The following EPHA5 variants were observed in gnomAD, a reference collection of about 807,000 sequenced individuals.
EPHA5 encodes ephrin type-A receptor 5.
A neutral mutation model predicts 105.0 loss-of-function variants in EPHA5; 60 were observed. The ratio of observed to expected loss-of-function variants is 0.57; its 90% confidence interval spans 0.46 to 0.71. EPHA5 has a LOEUF of 0.71. Ranked by LOEUF, EPHA5 falls within the 30% of genes least tolerant of loss-of-function variation. EPHA5 has a pLI of 0.00. For missense variants in EPHA5, 1,218 were observed against 1,274.7 expected (o/e 0.96, Z 0.68); for synonymous variants, 513 against 449.1 (o/e 1.14, Z -1.80).
At chr4:65,519,618 T>G (rs1379361423) in intron 3 of EPHA5, among the ~76,000 whole-genome samples, 1 of 151,942 alleles carries the variant, frequency 6.6e-6, no homozygotes, top group East Asian at 1.9e-4. Context: ...GTTTGTATAT[T>G]TACAAAACCC....
At chr4:65,553,090 A>G (rs968313021) in intron 3 of EPHA5, among the ~76,000 whole-genome samples, 4 of 152,096 alleles carry the variant, frequency 2.6e-5, no homozygotes, top group African/African-American at 4.8e-5. Context: ...TGTCTCCCAG[A>G]CATATTAATA....
intron 11 of EPHA5, among the ~76,000 whole-genome samples, chr4:65,362,346 G>T (rs902740907): frequency 2.0e-5 from 3 of 151,606 alleles, no homozygotes; most frequent in African/African-American, 7.3e-5. Flanking sequence ...ATTAGCATCA[G>T]ATCAGAGAGC....
intron 3 of EPHA5, among the ~76,000 whole-genome samples, chr4:65,585,531 C>G (rs4314337): frequency 6.6e-6 from 1 of 151,788 alleles, no homozygotes; most frequent in African/African-American, 2.4e-5. Flanking sequence ...GAAACAGGAT[C>G]TGTTAACTTT....
At chr4:65,538,646 G>A (rs1736526833) in intron 3 of EPHA5, among the ~76,000 whole-genome samples, 1 of 151,620 alleles carries the variant, frequency 6.6e-6, no homozygotes. Flanking sequence ...ACTCCTAGAT[G>A]TAGTCTTCAT....
In EPHA5 at chr4:65,553,019, A is replaced by G. The variant is rs543763282; in HGVS notation, c.910+48622T>C. Among the ~76,000 whole-genome samples the G allele has an allele frequency of 7.2e-5, 11 of 152,202 alleles. No homozygotes were observed. In the East Asian group the frequency reaches 1.6e-3, roughly 21 times the overall value. On this transcript the variant is annotated intron_variant, in intron 3 of 16. Coordinates refer to ENST00000613740, the MANE Select transcript of EPHA5 (RefSeq NM_001281766.3). ...ACTTTTGGGGGCATTTATCCATTTTAGATAGAAGAGCTATAGTTGGAGACA... is the reference window on the plus strand; with the variant it reads ...ACTTTTGGGGGCATTTATCCATTTTGGATAGAAGAGCTATAGTTGGAGACA...
chr4:65,585,633 A>G (rs1261400079), intron 3 of EPHA5, among the ~76,000 whole-genome samples: 1 of 151,886 alleles, frequency 6.6e-6, no homozygotes, highest in Non-Finnish European at 1.5e-5. Context: ...GGGAAAAACA[A>G]AACAAAATAA....
intron 14 of EPHA5, among the ~76,000 whole-genome samples, chr4:65,340,474 T>C (rs944996200): frequency 1.3e-5 from 2 of 151,994 alleles, no homozygotes; most frequent in African/African-American, 4.8e-5. Flanking sequence ...TTTCTCACAG[T>C]GGGGGCAGGG....
chr4:65,419,777 T>A (rs1200093223), intron 6 of EPHA5, among the ~76,000 whole-genome samples: 1 of 152,164 alleles, frequency 6.6e-6, no homozygotes, highest in Non-Finnish European at 1.5e-5. Context: ...TGTATGACTC[T>A]TTCATCAATA....
intron 2 of EPHA5, among the ~76,000 whole-genome samples, chr4:65,636,796 T>C (rs1291818438): frequency 6.6e-6 from 1 of 152,090 alleles, no homozygotes; most frequent in Non-Finnish European, 1.5e-5. Context: ...AAATGTATTA[T>C]CTACCGCCTT....
chr4:65,580,686 C>G (rs892633875), intron 3 of EPHA5, among the ~76,000 whole-genome samples: 1 of 151,802 alleles, frequency 6.6e-6, no homozygotes, highest in Admixed American at 6.6e-5. Context: ...ACAAAGATCT[C>G]CCTCCTCCCC....
intron 5 of EPHA5, among the ~76,000 whole-genome samples, chr4:65,456,868 C>T (rs1028808735): frequency 2.0e-5 from 3 of 152,030 alleles, no homozygotes; most frequent in Admixed American, 2.0e-4. Flanking sequence ...TGAATTCATC[C>T]TTTCATTCCT....
intron 7 of EPHA5, among the ~76,000 whole-genome samples, chr4:65,406,472 A>G (rs983479396): frequency 1.3e-5 from 2 of 152,120 alleles, no homozygotes; most frequent in South Asian, 4.1e-4. Context: ...GTCCCTCTCT[A>G]TGAAGCACTG....
intron 2 of EPHA5, among the ~76,000 whole-genome samples, chr4:65,615,503 T>C (rs899405534): frequency 2.6e-5 from 4 of 151,844 alleles, no homozygotes; most frequent in Admixed American, 6.6e-5. Context: ...GTCAAAGTGC[T>C]AGAAAAACAA....
At chr4:65,616,290 A>G (rs760105321) in intron 2 of EPHA5, among the ~76,000 whole-genome samples, 2 of 151,962 alleles carry the variant, frequency 1.3e-5, no homozygotes, top group Non-Finnish European at 2.9e-5. Flanking sequence ...CGGATGAGGG[A>G]AGAAGTAAAC....
At chr4:65,410,832 T>C (rs903347224) in intron 7 of EPHA5, among the ~76,000 whole-genome samples, 2 of 152,130 alleles carry the variant, frequency 1.3e-5, no homozygotes, top group Non-Finnish European at 2.9e-5. Context: ...GACAAATAGA[T>C]ATAGTTAGAT....
Position 65,420,326 on chromosome 4 carries a change from T to C in EPHA5, c.1527+115A>G, listed in dbSNP as rs566083300. 8.1e-5 allele frequency: 84 copies of C among 1,035,092 alleles called. 1 individual carries two copies. The South Asian group carries it at 1.2e-3, about 15-fold the overall frequency. The allele number at this position is 1,035,092 out of a possible 1,614,324, so 64.1% of individuals were successfully genotyped here. A position where few individuals can be genotyped will look rare whatever the true frequency, so the allele number is the denominator to read the frequency against. ...TCCATAATTATGACTGCAGAATCAA[T>C]TGTCATTGATTTACACATAAAATTG... On this transcript the variant is annotated intron_variant, in intron 6 of 16. Coordinates refer to ENST00000613740, the MANE Select transcript of EPHA5 (RefSeq NM_001281766.3).
intron 5 of EPHA5, among the ~76,000 whole-genome samples, chr4:65,473,282 C>T (rs932603866): frequency 6.6e-6 from 1 of 152,154 alleles, no homozygotes; most frequent in African/African-American, 2.4e-5. Context: ...TGCCTGTTAC[C>T]CAGGTCCAAA....
chr4:65,426,763 A>C (rs1050340137), intron 5 of EPHA5, among the ~76,000 whole-genome samples: 2 of 152,196 alleles, frequency 1.3e-5, no homozygotes, highest in Non-Finnish European at 2.9e-5. Flanking sequence ...TCTTGCTCCA[A>C]GAGTGGCTCT....
At chr4:65,523,079 TACTC>T (rs1288144626) in intron 3 of EPHA5, among the ~76,000 whole-genome samples, 1 of 151,998 alleles carries the variant, frequency 6.6e-6, no homozygotes, top group Admixed American at 6.6e-5. Context: ...CCGTTCTTAA[TACTC>T]AGTCACACAG....
Sources: gnomAD v4.1 joint callset for allele counts (sites outside exome capture counted in the v4.1 genomes callset) on GRCh38, gnomAD v4.1.1 for gene constraint, MANE v1.5 for transcripts, NCBI Gene and HGNC (gene_info 2026-07-23, HGNC 2026-07-21) for gene names.